Variants in DNALI1 observed in about 807,000 individuals in gnomAD.
The protein encoded by DNALI1 is dynein axonemal light intermediate chain 1.
A neutral mutation model predicts 33.9 loss-of-function variants in DNALI1; 31 were observed. The ratio of observed to expected loss-of-function variants is 0.91; its 90% CI spans 0.69 to 1.23. DNALI1 has a LOEUF of 1.23. Among genes scored for constraint, DNALI1 ranks in the 50% most tolerant of loss-of-function variants. The pLI, the probability that DNALI1 is intolerant of heterozygous loss-of-function variation, is 0.00. For synonymous variants in DNALI1, 117 were observed against 129.2 expected, an observed-to-expected ratio of 0.91 and a Z score of 0.64; for missense variants, 305 against 323.8, an observed-to-expected ratio of 0.94 and a Z score of 0.44.
chr1:37,564,049 C>T (rs1337389822), intron 5 of DNALI1, among the ~76,000 whole-genome samples: 1 of 151,700 alleles, frequency 6.6e-6, no homozygotes, highest in Non-Finnish European at 1.5e-5. Context: ...GCCTGGCCAA[C>T]GTGGTGAAAC....
chr1:37,557,539 G>A (rs1335717779), intron 1 of DNALI1, 64 bp from the exon 2 acceptor site: 20 of 1,568,180 alleles, frequency 1.3e-5, no homozygotes, highest in African/African-American at 6.8e-5. Context: ...CAATATACAG[G>A]TTGGGGATGT....
Position 37,562,245 on chromosome 1 carries a change from GGTAATCAACGC to G in DNALI1, c.741+2_741+12del. 1 of 1,611,502 alleles carries G rather than the reference GGTAATCAACGC, an allele frequency of 6.2e-7. No individual in the cohort carries two copies. Among genetic ancestry groups the G allele is most frequent in the South Asian group, 1.1e-5 (1 of 90,782 alleles). On this transcript the variant is annotated splice_donor_variant and splice_donor_5th_base_variant and intron_variant, in intron 5 of 5. Transcript: ENST00000652629. LOFTEE classifies it high-confidence loss of function. This position sits in a 1 kb window ranked among gnomAD's most constrained non-coding sequence, Gnocchi z 5.8. ...TGAAGCGAACAAATCAGCAGCTGAA[GGTAATCAACGC>G]GCAGGGTGGGGTGGAGGTGCCCCCT... is the stretch of plus-strand genomic sequence containing the variant.
rs1643435866 is a variant in DNALI1 at position 37,561,335 on chromosome 1, C to G, written c.398-222C>G. 1.8e-6 allele frequency: 1 copy of G among 543,024 alleles called. No homozygotes were observed. The highest frequency in any genetic ancestry group is 1.9e-5 in the African/African-American group (1 of 53,228). 33.6% of individuals were successfully genotyped at this position (543,024 alleles called of 1,614,324 possible). A position where few individuals can be genotyped will look rare whatever the true frequency, so the allele number is the denominator to read the frequency against. ...GCTCTGGCCAACCCAGTCTTGCTGACTGTGCTACTCACAAGTGCCAAGTTC... is the reference window on the plus strand; with the variant it reads ...GCTCTGGCCAACCCAGTCTTGCTGAGTGTGCTACTCACAAGTGCCAAGTTC... On this transcript the variant is annotated intron_variant, in intron 3 of 5. Transcript: ENST00000652629. The surrounding 1 kb of genome is among the most constrained non-coding windows in gnomAD (Gnocchi z 4.6).
intron 1 of DNALI1, 63 bp from the exon 2 acceptor site, chr1:37,557,540 T>A (rs1643386515): frequency 6.4e-7 from 1 of 1,567,522 alleles, no homozygotes; most frequent in Non-Finnish European, 8.6e-7. Flanking sequence ...AATATACAGG[T>A]TGGGGATGTG....
chr1:37,562,755 T>A lies in DNALI1; in HGVS notation c.741+510T>A, dbSNP rs1643455901. Reference sequence around the variant, plus strand: ...TGTGGTCGGGGAACCCAGGCACAGGTGCTCTTCCTCGAAGTCCGATGCCAG... The same window carrying A: ...TGTGGTCGGGGAACCCAGGCACAGGAGCTCTTCCTCGAAGTCCGATGCCAG... On this transcript the variant is annotated intron_variant, in intron 5 of 5. Transcript: ENST00000652629. The surrounding 1 kb of genome is among the most constrained non-coding windows in gnomAD (Gnocchi z 5.8). 2.0e-5 allele frequency among the ~76,000 whole-genome samples: 3 copies of A among 152,262 alleles called. No individual in the cohort carries two copies. The South Asian group carries it at 6.2e-4, about 32-fold the overall frequency.
intron 1 of DNALI1, 94 bp from the exon 2 acceptor site, chr1:37,557,509 G>A (rs1366270556): frequency 6.7e-7 from 1 of 1,484,780 alleles, no homozygotes; most frequent in African/African-American, 1.4e-5. Flanking sequence ...AGAGGGGAGG[G>A]CTGTGCAGAA....
At chr1:37,558,259 A>G (rs1479292417) in intron 2 of DNALI1, 1 of 152,340 alleles carries the variant, frequency 6.6e-6, no homozygotes, top group Non-Finnish European at 1.5e-5. Flanking sequence ...TCCACCTTCA[A>G]ATTCTTTCCC....
intron 5 of DNALI1, among the ~76,000 whole-genome samples, chr1:37,564,047 A>G (rs1404007875): frequency 6.6e-6 from 1 of 151,826 alleles, no homozygotes; most frequent in Non-Finnish European, 1.5e-5. Flanking sequence ...CAGCCTGGCC[A>G]ACGTGGTGAA....
chr1:37,561,999 T>C lies in DNALI1; in HGVS notation c.577-82T>C. The C allele has an allele frequency of 1.3e-6, 2 of 1,588,134 alleles. No individual in the cohort carries two copies. Among genetic ancestry groups the C allele is most frequent in the Admixed American group, 1.7e-5 (1 of 58,630 alleles). On this transcript the variant is annotated intron_variant, in intron 4 of 5. Coordinates refer to ENST00000652629, the MANE Select transcript of DNALI1 (RefSeq NM_003462.5). This position sits in a 1 kb window ranked among gnomAD's most constrained non-coding sequence, Gnocchi z 4.6. Reference sequence around the variant, plus strand: ...GGCAGTATATACCCTGGCAATGTCATGTCCCATGTCCCTTCCACCCAGGCT... The same window carrying C: ...GGCAGTATATACCCTGGCAATGTCACGTCCCATGTCCCTTCCACCCAGGCT...
In DNALI1 at chr1:37,565,175, T is replaced by C; in HGVS notation, c.*114T>C. The C allele has an allele frequency of 8.3e-7, 1 of 1,211,612 alleles. No homozygotes were observed. The highest frequency in any genetic ancestry group is 1.2e-6 in the Non-Finnish European group (1 of 851,152). 75.1% of individuals were successfully genotyped at this position (1,211,612 alleles called of 1,614,324 possible). On this transcript the variant is annotated 3_prime_UTR_variant, in exon 6 of 6. Coordinates refer to ENST00000652629, the MANE Select transcript of DNALI1 (RefSeq NM_003462.5). ...TGTAATAAAAAGCTAGTTTCCTGAG[T>C]GAACAAGCCATAACCTCCCCTAAAC...
In DNALI1 at chr1:37,562,666, G is replaced by A. The variant is rs1263137575; in HGVS notation, c.741+421G>A. ...GTTTCAGGGCATAACCAGGGAAGAAGTCAAAGGGCAGCAGGGCCCTTTGAG... is the reference window on the plus strand; with the variant it reads ...GTTTCAGGGCATAACCAGGGAAGAAATCAAAGGGCAGCAGGGCCCTTTGAG... On this transcript the variant is annotated intron_variant, in intron 5 of 5. Transcript: ENST00000652629. The surrounding 1 kb of genome is among the most constrained non-coding windows in gnomAD (Gnocchi z 5.8). Among the ~76,000 whole-genome samples, 1 of 152,158 alleles carries A rather than the reference G, an allele frequency of 6.6e-6. No homozygotes were observed. Among genetic ancestry groups the A allele is most frequent in the Admixed American group, 6.5e-5 (1 of 15,284 alleles).
In DNALI1 at chr1:37,561,932, C is replaced by T. The variant is rs1235621293; in HGVS notation, c.577-149C>T. 3.6e-6 allele frequency: 5 copies of T among 1,393,744 alleles called. No individual in the cohort carries two copies. The highest frequency in any genetic ancestry group is 2.3e-5 in the East Asian group (1 of 42,590). The allele number at this position is 1,393,744 out of a possible 1,614,324, so 86.3% of individuals were successfully genotyped here. On this transcript the variant is annotated intron_variant, in intron 4 of 5. Coordinates refer to ENST00000652629, the MANE Select transcript of DNALI1 (RefSeq NM_003462.5). This position sits in a 1 kb window ranked among gnomAD's most constrained non-coding sequence, Gnocchi z 4.6. ...CTGGTGGTCTTGGCAGAGTTGTTTCCGCTGTAGACGCTCCATGCCAGGCAC... is the reference window on the plus strand; with the variant it reads ...CTGGTGGTCTTGGCAGAGTTGTTTCTGCTGTAGACGCTCCATGCCAGGCAC...
Position 37,556,968 on chromosome 1 carries a change from T to G in DNALI1, c.-27T>G. On this transcript the variant is annotated 5_prime_UTR_variant, in exon 1 of 6. Coordinates refer to ENST00000652629, the MANE Select transcript of DNALI1 (RefSeq NM_003462.5). ...CAAGGCCCACACTGGACAGGGCAGC[T>G]GCTGGGTTGCTACTCTCGCCTCCGC... The G allele has an allele frequency of 2.5e-6, 4 of 1,614,242 alleles. No individual in the cohort carries two copies. Among genetic ancestry groups the G allele is most frequent in the Non-Finnish European group, 3.4e-6 (4 of 1,180,038 alleles).
intron 5 of DNALI1, 119 bp from the exon 6 acceptor site, chr1:37,564,907 A>G: frequency 9.3e-7 from 1 of 1,074,712 alleles, no homozygotes; most frequent in Non-Finnish European, 1.4e-6. Flanking sequence ...ATCAAGGGGA[A>G]AAAGAACCCT....
chr1:37,561,639 C>T lies in DNALI1; in HGVS notation c.480C>T (p.Thr160=). 1 of 1,613,962 alleles carries T rather than the reference C, an allele frequency of 6.2e-7. No individual in the cohort carries two copies. The part of the protein sequence containing the change: ...LLRVRDEIRM[T]IAAYQTLYES... ...GAGTCCGGGACGAGATCCGCATGAC[C>T]ATCGCTGCCTACCAGACCCTGTACG... The change falls in exon 4 of 6, where the codon ACC becomes ACT. Residue 160 remains threonine (T), a synonymous_variant. Coordinates refer to ENST00000652629, the MANE Select transcript of DNALI1 (RefSeq NM_003462.5). The surrounding 1 kb of genome is among the most constrained non-coding windows in gnomAD (Gnocchi z 4.6).
At chr1:37,558,298 T>G (rs1261353994) in intron 2 of DNALI1, 1 of 152,876 alleles carries the variant, frequency 6.5e-6, no homozygotes, top group Non-Finnish European at 1.5e-5. Context: ...CCACCTCTGC[T>G]TCCACCATCT....
chr1:37,559,318 C>CT lies in DNALI1; in HGVS notation c.228-8dup, dbSNP rs938783715. The CT allele has an allele frequency of 3.1e-6, 5 of 1,589,244 alleles. No homozygotes were observed. The Admixed American group carries it at 5.2e-5, about 16-fold the overall frequency. On this transcript the variant is annotated splice_polypyrimidine_tract_variant and intron_variant, in intron 2 of 5. Transcript: ENST00000652629. This position sits in a 1 kb window ranked among gnomAD's most constrained non-coding sequence, Gnocchi z 5.3. Reference sequence around the variant, plus strand: ...CGGGTTTTGCTCAGCCTCGCTGTGTCTGCCACAGGGAGTGGGTGGAAGACA... The same window carrying CT: ...CGGGTTTTGCTCAGCCTCGCTGTGTCTTGCCACAGGGAGTGGGTGGAAGACA...
intron 5 of DNALI1, among the ~76,000 whole-genome samples, chr1:37,563,858 A>G (rs1295769291): frequency 6.6e-6 from 1 of 152,182 alleles, no homozygotes; most frequent in Non-Finnish European, 1.5e-5. Context: ...AGACCTACCT[A>G]AAGATCTGTC....
At chr1:37,557,257 C>T (rs1643382294) in intron 1 of DNALI1, among the ~76,000 whole-genome samples, 182 bp downstream of exon 1, 1 of 152,082 alleles carries the variant, frequency 6.6e-6, no homozygotes, top group South Asian at 2.1e-4. Flanking sequence ...TTGGGTGTGA[C>T]CCCAGAGGGC....
Sources: allele counts gnomAD v4.1 joint callset (sites outside exome capture counted in the v4.1 genomes callset), GRCh38; gene constraint gnomAD v4.1.1; non-coding constraint Gnocchi (gnomAD v3.1); transcripts MANE v1.5; gene names NCBI Gene and HGNC (gene_info 2026-07-23, HGNC 2026-07-21).